Variants in ACBD3 observed in about 807,000 individuals in gnomAD.
The protein encoded by ACBD3 is Golgi resident protein GCP60.
In ACBD3, 30 loss-of-function variants were observed where a neutral mutation model predicts 66.9. The ratio of observed to expected loss-of-function variants is 0.45; its 90% CI spans 0.34 to 0.61. The LOEUF (loss-of-function observed/expected upper bound fraction) is 0.61, where lower values mean the gene tolerates loss of function less well. Ranked by LOEUF, ACBD3 falls within the 20% of genes least tolerant of loss-of-function variation. The probability of loss-of-function intolerance (pLI) is 0.02; values close to 1 mark genes in which losing one functional copy is unlikely to be tolerated. For missense variants in ACBD3, 544 were observed against 664.5 expected (o/e 0.82, Z 1.99); for synonymous variants, 278 against 259.8 (o/e 1.07, Z -0.68).
At position 226,146,409 on chromosome 1, in the gene ACBD3, T is replaced by C. The variant is rs1039331851; in HGVS notation, c.*201A>G. 2 of 558,536 alleles carry C rather than the reference T, an allele frequency of 3.6e-6. No individual in the cohort carries two copies. Among genetic ancestry groups the C allele is most frequent in the Non-Finnish European group, 3.2e-6 (1 of 313,960 alleles). 34.6% of individuals were successfully genotyped at this position (558,536 alleles called of 1,614,324 possible). ...TCAGCACCCAAGGGCTGGATGAGTC[T>C]GAGGAATCTCCTTTAACCCCAAAGT... On this transcript the variant is annotated 3_prime_UTR_variant, in exon 8 of 8. Coordinates refer to ENST00000366812, the MANE Select transcript of ACBD3 (RefSeq NM_022735.4).
At chr1:226,179,691 C>G (rs759140334) in intron 1 of ACBD3, among the ~76,000 whole-genome samples, 12 of 152,024 alleles carry the variant, frequency 7.9e-5, no homozygotes, top group African/African-American at 1.2e-4. Flanking sequence ...AACCCCATCT[C>G]TACTAAAAAT....
At chr1:226,158,166 T>G (rs765183758) in intron 5 of ACBD3, among the ~76,000 whole-genome samples, 1 of 152,186 alleles carries the variant, frequency 6.6e-6, no homozygotes, top group Non-Finnish European at 1.5e-5. Flanking sequence ...GGAGAAAAGG[T>G]TGTTTAGTAA....
Position 226,152,700 on chromosome 1 carries a change from TC to T in ACBD3, c.1091-82del. The T allele has an allele frequency of 2.3e-6, 3 of 1,316,838 alleles. No homozygotes were observed. The South Asian group carries it at 4.2e-5, about 18-fold the overall frequency. The allele number at this position is 1,316,838 out of a possible 1,614,324, so 81.6% of individuals were successfully genotyped here. ...GCCACATTTTCATAGCACTACCTGATCAGTTGTACTCAGGCACCAAGTACAA... is the reference window on the plus strand; with the variant it reads ...GCCACATTTTCATAGCACTACCTGATAGTTGTACTCAGGCACCAAGTACAA... On this transcript the variant is annotated intron_variant, in intron 6 of 7. Transcript: ENST00000366812.
At chr1:226,149,716 AT>A (rs1374873182) in intron 7 of ACBD3, among the ~76,000 whole-genome samples, 1 of 148,904 alleles carries the variant, frequency 6.7e-6, no homozygotes, top group African/African-American at 2.5e-5. Flanking sequence ...AGTTTTTTGT[AT>A]TTTTGGTAGA....
chr1:226,182,262 C>T (rs1233528835), intron 1 of ACBD3, among the ~76,000 whole-genome samples: 3 of 151,984 alleles, frequency 2.0e-5, no homozygotes, highest in Admixed American at 2.0e-4. Flanking sequence ...CTTTGCTCCT[C>T]CCTTTAAAAA....
rs1241120170 is a variant in ACBD3 at position 226,144,808 on chromosome 1, A to T, written c.*1802T>A. On this transcript the variant is annotated 3_prime_UTR_variant, in exon 8 of 8. Coordinates refer to ENST00000366812, the MANE Select transcript of ACBD3 (RefSeq NM_022735.4). ...AAACCAAAAATATTCTGACATGAAC[A>T]CATGACAGGAACCGCTGCTATGTAA... The T allele has an allele frequency of 1.3e-5, 2 of 152,670 alleles. No homozygotes were observed. Among genetic ancestry groups the T allele is most frequent in the Non-Finnish European group, 2.9e-5 (2 of 68,036 alleles). The allele number at this position is 152,670 out of a possible 1,614,324, so 9.5% of individuals were successfully genotyped here.
intron 1 of ACBD3, among the ~76,000 whole-genome samples, chr1:226,169,232 T>C (rs1370754091): frequency 1.4e-5 from 2 of 147,848 alleles, no homozygotes; most frequent in Admixed American, 1.4e-4. Context: ...CCTTGTGATT[T>C]AGAGAGTTTT....
chr1:226,177,206 G>T (rs191298566), intron 1 of ACBD3, among the ~76,000 whole-genome samples: 2 of 141,370 alleles, frequency 1.4e-5, no homozygotes, highest in Non-Finnish European at 3.0e-5. Flanking sequence ...TGCTTTTGTC[G>T]CTTGAACCGG....
chr1:226,150,227 TAAAA>T (rs1157717890), intron 7 of ACBD3, among the ~76,000 whole-genome samples: 1 of 150,868 alleles, frequency 6.6e-6, no homozygotes, highest in Non-Finnish European at 1.5e-5. Context: ...CCCACCTAAC[TAAAA>T]AAAAATTTTT....
intron 7 of ACBD3, among the ~76,000 whole-genome samples, chr1:226,151,142 G>A (rs78045288): frequency 0.034 from 5,118 of 152,226 alleles, 263 homozygotes; most frequent in African/African-American, 0.12. Context: ...GAACTTTCAG[G>A]CTTATTCCAT....
intron 1 of ACBD3, among the ~76,000 whole-genome samples, chr1:226,176,813 A>T (rs1656046023): frequency 6.6e-6 from 1 of 152,204 alleles, no homozygotes; most frequent in Admixed American, 6.5e-5. Flanking sequence ...GCAAAATTAT[A>T]AGGCTAATTA....
At chr1:226,147,342 C>G (rs1207267698) in intron 7 of ACBD3, among the ~76,000 whole-genome samples, 1 of 152,240 alleles carries the variant, frequency 6.6e-6, no homozygotes, top group East Asian at 1.9e-4. Flanking sequence ...AAACCCTGTT[C>G]TGAGCCCTGG....
At chr1:226,147,179 C>T (rs542180145) in intron 7 of ACBD3, among the ~76,000 whole-genome samples, 3 of 152,322 alleles carry the variant, frequency 2.0e-5, no homozygotes, top group East Asian at 1.9e-4. Context: ...CGTGAGCCAC[C>T]GTGCCCAGCC....
At chr1:226,176,170 G>C (rs1255222473) in intron 1 of ACBD3, among the ~76,000 whole-genome samples, 10 of 152,336 alleles carry the variant, frequency 6.6e-5, no homozygotes, top group African/African-American at 2.2e-4. Flanking sequence ...GCTCACGCCT[G>C]TAATCCCAGC....
chr1:226,162,008 A>G (rs2102780757), intron 3 of ACBD3, among the ~76,000 whole-genome samples: 1 of 152,332 alleles, frequency 6.6e-6, no homozygotes, highest in Middle Eastern at 3.4e-3. Flanking sequence ...CTTTTCCTTC[A>G]TAATACCTGC....
chr1:226,151,684 TG>T (rs1659574905), intron 7 of ACBD3, among the ~76,000 whole-genome samples: 2 of 152,212 alleles, frequency 1.3e-5, no homozygotes, highest in South Asian at 4.1e-4. Context: ...ATGCCAGGGT[TG>T]ACAGGAATTC....
chr1:226,146,874 T>C (rs190141329), intron 7 of ACBD3, 53 bp from the exon 8 acceptor site: 4 of 1,529,242 alleles, frequency 2.6e-6, no homozygotes, highest in East Asian at 2.2e-5. Context: ...CACACTTGCA[T>C]CAGGCAATTA....
rs937120968 is a variant in ACBD3, at chr1:226,152,190, C to T, written c.1375+145G>A. The T allele has an allele frequency of 3.2e-5, 37 of 1,145,980 alleles. 1 individual carries two copies. The Admixed American group carries it at 8.2e-4, about 25-fold the overall frequency. The allele number at this position is 1,145,980 out of a possible 1,614,324, so 71.0% of individuals were successfully genotyped here. On this transcript the variant is annotated intron_variant, in intron 7 of 7. Coordinates refer to ENST00000366812, the MANE Select transcript of ACBD3 (RefSeq NM_022735.4). ...CAGGAGCCTGGCCTCATAACATTTT[C>T]AGCCCAAGGTCCCACTAATGAAGAA... is the stretch of plus-strand genomic sequence containing the variant.
At chr1:226,148,716 T>A (rs1659505006) in intron 7 of ACBD3, among the ~76,000 whole-genome samples, 1 of 152,222 alleles carries the variant, frequency 6.6e-6, no homozygotes, top group African/African-American at 2.4e-5. Context: ...CTCCTCTGTC[T>A]ACCTTTCAAG....
Sources: gnomAD v4.1 joint callset for allele counts (sites outside exome capture counted in the v4.1 genomes callset) on GRCh38, gnomAD v4.1.1 for gene constraint, MANE v1.5 for transcripts, NCBI Gene and HGNC (gene_info 2026-07-23, HGNC 2026-07-21) for gene names.